CMYA5: variants seen among roughly 807,000 people sequenced by gnomAD.
CMYA5 encodes cardiomyopathy associated 5.
In CMYA5, 246 loss-of-function variants were observed where a neutral mutation model predicts 318.9. The ratio of observed to expected loss-of-function variants is 0.77; its 90% CI spans 0.70 to 0.86. CMYA5 has a LOEUF of 0.86. Ranked by LOEUF, CMYA5 falls within the 40% of genes least tolerant of loss-of-function variation. CMYA5 has a pLI of 0.00. For synonymous variants in CMYA5, 1,641 were observed against 1,729.5 expected (o/e 0.95, Z 1.27); for missense variants, 4,589 against 4,678.2 (o/e 0.98, Z 0.56).
At chr5:79,723,443 G>GAAAAA (rs35720490) in intron 1 of CMYA5, among the ~76,000 whole-genome samples, 4 of 121,558 alleles carry the variant, frequency 3.3e-5, no homozygotes, top group Non-Finnish European at 4.9e-5. Context: ...CATCTCAAAG[G>GAAAAA]AAAAAAAAAA....
chr5:79,788,488 A>G (rs1051043180), intron 9 of CMYA5, among the ~76,000 whole-genome samples: 12 of 146,756 alleles, frequency 8.2e-5, no homozygotes, highest in Non-Finnish European at 7.5e-5. Flanking sequence ...TTTTTTTGCA[A>G]TTAGAATTCT....
rs1209496011 is a variant in CMYA5, at chr5:79,734,322, CAG to C, written c.5558_5559del (p.Gln1853LeufsTer39). On this transcript the variant is annotated frameshift_variant, in exon 2 of 13. Coordinates refer to ENST00000446378, the MANE Select transcript of CMYA5 (RefSeq NM_153610.5). LOFTEE classifies it high-confidence loss of function. ...SEDKQDLGIK[Q>X]FSLMRENLPL... is the part of the protein sequence containing the mutation. ...AGATAAACAAGATCTGGGTATTAAG[CAG>C]TTTTCACTTATGAGAGAGAATTTGC... 39 of 1,613,696 alleles carry C rather than the reference CAG, an allele frequency of 2.4e-5. No individual in the cohort carries two copies. The highest frequency in any genetic ancestry group is 3.2e-5 in the Non-Finnish European group (38 of 1,179,794).
chr5:79,778,421 AC>A (rs1828984765), intron 9 of CMYA5, among the ~76,000 whole-genome samples: 1 of 152,206 alleles, frequency 6.6e-6, no homozygotes, highest in Non-Finnish European at 1.5e-5. Context: ...CCTTGCCTAA[AC>A]ATTGGATGAT....
chr5:79,734,918 A>G lies in CMYA5; in HGVS notation c.6153A>G (p.Pro2051=). 1 of 1,613,876 alleles carries G rather than the reference A, an allele frequency of 6.2e-7. No homozygotes were observed. Among genetic ancestry groups the G allele is most frequent in the Non-Finnish European group, 8.5e-7 (1 of 1,179,800 alleles). ...CTCCTGAAAGATTCTTCCAGAAACCAGTGTCTGGCCTATCAGTGGAACAGG... is the reference window on the plus strand; with the variant it reads ...CTCCTGAAAGATTCTTCCAGAAACCGGTGTCTGGCCTATCAGTGGAACAGG... The part of the protein sequence containing the change: ...KLPPERFFQK[P]VSGLSVEQVK... Residue 2051 remains proline (P), a synonymous_variant, in exon 2 of 13, where the codon CCA becomes CCG. Coordinates refer to ENST00000446378, the MANE Select transcript of CMYA5 (RefSeq NM_153610.5).
In CMYA5 at chr5:79,729,401, C is replaced by CAAGCCATTAGTT. The variant is rs758039144; in HGVS notation, c.647_648insTAAGCCATTAGT (p.Lys213_Val216dup). 2 of 1,612,810 alleles carry CAAGCCATTAGTT rather than the reference C, an allele frequency of 1.2e-6. No individual in the cohort carries two copies. Among genetic ancestry groups the CAAGCCATTAGTT allele is most frequent in the South Asian group, 2.2e-5 (2 of 91,038 alleles). Reference sequence around the variant, plus strand: ...TTACTGGGGCAATATACAAAGAACACAAGCCATTAGTGTTAAGACCAGTCT... The same window carrying CAAGCCATTAGTT: ...TTACTGGGGCAATATACAAAGAACACAAGCCATTAGTTAAGCCATTAGTGTTAAGACCAGTCT... On this transcript the variant is annotated inframe_insertion, in exon 2 of 13. Coordinates refer to ENST00000446378, the MANE Select transcript of CMYA5 (RefSeq NM_153610.5).
intron 10 of CMYA5, among the ~76,000 whole-genome samples, 200 bp from the exon 11 acceptor site, chr5:79,790,770 G>A (rs188869523): frequency 5.3e-5 from 8 of 152,316 alleles, no homozygotes; most frequent in Non-Finnish European, 7.3e-5. Context: ...CGTGCCTATG[G>A]CACCACGTAG....
In CMYA5 at chr5:79,738,549, C is replaced by T. The variant is rs1828138892; in HGVS notation, c.9784C>T (p.Leu3262=). 6.2e-7 allele frequency: 1 copy of T among 1,613,344 alleles called. No homozygotes were observed. The highest frequency in any genetic ancestry group is 8.5e-7 in the Non-Finnish European group (1 of 1,179,852). ...SLTQKDQGQG[L]EEKRVGKDDS... ...AACTCAAAAGGACCAGGGCCAAGGT[C>T]TGGAAGAAAAACGAGTTGGTAAGGA... The change falls in exon 2 of 13, where the codon CTG becomes TTG. Residue 3262 remains leucine, a synonymous_variant. Transcript: ENST00000446378.
intron 3 of CMYA5, among the ~76,000 whole-genome samples, chr5:79,744,200 G>A (rs905465159): frequency 1.3e-5 from 2 of 152,188 alleles, no homozygotes; most frequent in Non-Finnish European, 2.9e-5. Context: ...TGCTTTACCT[G>A]ACTGAATCCT....
At chr5:79,705,029 T>C (rs1441266985) in intron 1 of CMYA5, among the ~76,000 whole-genome samples, 1 of 151,842 alleles carries the variant, frequency 6.6e-6, no homozygotes, top group Non-Finnish European at 1.5e-5. Flanking sequence ...TCCCAGCATT[T>C]TGGGAGGCCG....
intron 6 of CMYA5, among the ~76,000 whole-genome samples, chr5:79,754,321 G>C (rs369541786): frequency 1.3e-5 from 2 of 152,320 alleles, no homozygotes; most frequent in East Asian, 3.9e-4. Context: ...CCAATGAGAA[G>C]TAGCAGCCCA....
At position 79,735,794 on chromosome 5, in the gene CMYA5, T is replaced by C; in HGVS notation, c.7029T>C (p.Ser2343=). ...KTIVPPHVTD[S]KRVQKPAIAP... ...TTGTTCCTCCTCATGTTACTGATAG[T>C]AAAAGAGTCCAGAAGCCAGCAATCG... is the stretch of plus-strand genomic sequence containing the variant. Residue 2343 remains serine, a synonymous_variant, in exon 2 of 13, where the codon AGT becomes AGC. Coordinates refer to ENST00000446378, the MANE Select transcript of CMYA5 (RefSeq NM_153610.5). 1.9e-6 allele frequency: 3 copies of C among 1,555,796 alleles called. No individual in the cohort carries two copies. The highest frequency in any genetic ancestry group is 2.5e-5 in the South Asian group (2 of 78,452).
At chr5:79,778,817 G>GTGTGTGTGTGTGTGTA (rs1561228883) in intron 9 of CMYA5, among the ~76,000 whole-genome samples, 23 of 112,864 alleles carry the variant, frequency 2.0e-4, no homozygotes, top group Admixed American at 2.8e-4. Context: ...CTTTCTGTGT[G>GTGTGTGTGTGTGTGTA]TGTGTGTGTG....
At chr5:79,691,990 C>G (rs944088293) in intron 1 of CMYA5, among the ~76,000 whole-genome samples, 1 of 152,166 alleles carries the variant, frequency 6.6e-6, no homozygotes, top group African/African-American at 2.4e-5. Flanking sequence ...TTAAGTTATT[C>G]TCTTAAGACT....
At chr5:79,692,175 G>T (rs970376587) in intron 1 of CMYA5, among the ~76,000 whole-genome samples, 1 of 152,132 alleles carries the variant, frequency 6.6e-6, no homozygotes, top group Non-Finnish European at 1.5e-5. Context: ...GGGGTGTAGT[G>T]TAGTGAGGCA....
intron 6 of CMYA5, among the ~76,000 whole-genome samples, chr5:79,753,324 G>A (rs1469498429): frequency 6.6e-6 from 1 of 152,100 alleles, no homozygotes; most frequent in Non-Finnish European, 1.5e-5. Flanking sequence ...CATCCTGCCA[G>A]CTCTTCACAA....
chr5:79,794,740 C>G (rs1460298638), intron 12 of CMYA5, among the ~76,000 whole-genome samples: 1 of 152,252 alleles, frequency 6.6e-6, no homozygotes, highest in East Asian at 1.9e-4. Flanking sequence ...TGCAAGTTCC[C>G]AGAAAAGGCC....
intron 11 of CMYA5, among the ~76,000 whole-genome samples, chr5:79,792,183 T>A (rs1187024389): frequency 5.9e-5 from 9 of 152,216 alleles, no homozygotes; most frequent in African/African-American, 2.2e-4. Context: ...AAAGAACAGA[T>A]AACTTGTGGG....
chr5:79,692,236 T>C (rs1826982731), intron 1 of CMYA5, among the ~76,000 whole-genome samples: 1 of 152,202 alleles, frequency 6.6e-6, no homozygotes, highest in African/African-American at 2.4e-5. Flanking sequence ...TTTTTCAGGT[T>C]AGCTTTGGAA....
chr5:79,724,529 G>A (rs1827710559), intron 1 of CMYA5, among the ~76,000 whole-genome samples: 1 of 152,166 alleles, frequency 6.6e-6, no homozygotes, highest in Non-Finnish European at 1.5e-5. Flanking sequence ...AAGTGTGGAG[G>A]AAGTGAGCTT....
Sources: allele counts gnomAD v4.1 joint callset (sites outside exome capture counted in the v4.1 genomes callset), GRCh38; gene constraint gnomAD v4.1.1; transcripts MANE v1.5; gene names NCBI Gene and HGNC (gene_info 2026-07-23, HGNC 2026-07-21).